The following ACP1 variants were observed in gnomAD, a reference collection of about 807,000 sequenced individuals.
ACP1 encodes the protein acid phosphatase 1.
In ACP1, 23 loss-of-function variants were observed where a neutral mutation model predicts 23.4. The observed-to-expected ratio is 0.98, with a 90% confidence interval of 0.71 to 1.39. ACP1 has a LOEUF of 1.39. ACP1 is among the 40% of genes most tolerant of loss of function. The pLI is 0.00. For synonymous variants in ACP1, 72 were observed against 67.2 expected, an observed-to-expected ratio of 1.07 and a Z score of -0.35; for missense variants, 180 against 197.7, an observed-to-expected ratio of 0.91 and a Z score of 0.54.
chr2:271,200 C>G lies in ACP1; in HGVS notation c.44-666C>G, dbSNP rs569465838. Among the ~76,000 whole-genome samples the G allele has an allele frequency of 1.3e-4, 20 of 150,670 alleles. 1 individual carries two copies. The highest frequency in any genetic ancestry group is 4.0e-4 in the African/African-American group (16 of 40,032). On this transcript the variant is annotated intron_variant, in intron 1 of 5. Transcript: ENST00000272065. ...ATTGTTTTGTGAAACAGTAGTCATC[C>G]TTATGTGTGATATACTTGAAAATAC...
intron 3 of ACP1, chr2:272,741 A>G (rs921015487): frequency 3.9e-5 from 7 of 180,342 alleles, no homozygotes; most frequent in Admixed American, 1.1e-4. Flanking sequence ...TTATGGATAT[A>G]TAATTATAGT....
At chr2:265,349 C>T in intron 1 of ACP1, 1 of 268,920 alleles carries the variant, frequency 3.7e-6, no homozygotes, top group Non-Finnish European at 7.0e-6. Flanking sequence ...TGGAGGTTGT[C>T]GGACTGATGT....
chr2:271,298 C>T (rs562959500), intron 1 of ACP1, among the ~76,000 whole-genome samples: 1 of 152,182 alleles, frequency 6.6e-6, no homozygotes, highest in African/African-American at 2.4e-5. Flanking sequence ...TAATCAAGCA[C>T]AGATGGAAAA....
chr2:268,067 G>A (rs530921070), intron 1 of ACP1, among the ~76,000 whole-genome samples: 13 of 152,340 alleles, frequency 8.5e-5, no homozygotes, highest in African/African-American at 2.6e-4. Flanking sequence ...TTTAGGTCCA[G>A]ATCTTGGGAG....
intron 1 of ACP1, among the ~76,000 whole-genome samples, chr2:268,615 C>T (rs1451768417): frequency 6.6e-6 from 1 of 152,200 alleles, no homozygotes; most frequent in Non-Finnish European, 1.5e-5. Context: ...GCCCCACCCT[C>T]CCAGAGCCTA....
In ACP1 at chr2:272,156, G is replaced by A. The variant is rs753467181; in HGVS notation, c.231+6G>A. On this transcript the variant is annotated splice_donor_region_variant and intron_variant, in intron 3 of 5. Transcript: ENST00000272065. Reference sequence around the variant, plus strand: ...TGAGCCACGTTGCCCGGCAGGTACCGTCCTTGGACTTGAAGTTGTGTGTTT... The same window carrying A: ...TGAGCCACGTTGCCCGGCAGGTACCATCCTTGGACTTGAAGTTGTGTGTTT... 8.1e-6 allele frequency: 13 copies of A among 1,614,088 alleles called. No individual in the cohort carries two copies. The highest frequency in any genetic ancestry group is 5.0e-5 in the Admixed American group (3 of 60,002).
intron 3 of ACP1, chr2:272,505 C>A (rs1670073782): frequency 2.1e-6 from 3 of 1,423,538 alleles, no homozygotes; most frequent in Non-Finnish European, 2.7e-6. Context: ...TATTAAAATG[C>A]ACATAAAAGC....
chr2:271,737 T>G (rs1670037036), intron 1 of ACP1, 129 bp from the exon 2 acceptor site: 2 of 752,416 alleles, frequency 2.7e-6, no homozygotes, highest in Non-Finnish European at 4.7e-6. Context: ...CGTCAAAGGA[T>G]AGTGTTGGCC....
chr2:266,869 C>T (rs1669902920), intron 1 of ACP1, among the ~76,000 whole-genome samples: 1 of 152,008 alleles, frequency 6.6e-6, no homozygotes, highest in South Asian at 2.1e-4. Flanking sequence ...CTTCTCTTTG[C>T]CGTATCTGAA....
chr2:275,339 T>G lies in ACP1; in HGVS notation c.293+138T>G, dbSNP rs1345821563. ...GGTCACCATATGTAGAATTATTTTA[T>G]TTAGAACAGCAAAAAACTTAGTAAT... is the stretch of plus-strand genomic sequence containing the variant. On this transcript the variant is annotated intron_variant, in intron 4 of 5. Coordinates refer to ENST00000272065, the MANE Select transcript of ACP1 (RefSeq NM_004300.4). The G allele has an allele frequency of 9.2e-6, 4 of 435,782 alleles. No individual in the cohort carries two copies. In the East Asian group the frequency reaches 1.3e-4, roughly 14 times the overall value. The allele number at this position is 435,782 out of a possible 1,614,324, so 27.0% of individuals were successfully genotyped here. A position where few individuals can be genotyped will look rare whatever the true frequency, so the allele number is the denominator to read the frequency against.
rs772017810 is a variant in ACP1 at position 272,103 on chromosome 2, A to AGCT, written c.187_189dup (p.Cys63dup). ...GAACCCCCCTGACTACCGAGGGCAG[A>AGCT]GCTGCATGAAGAGGCACGGCATTCC... On this transcript the variant is annotated inframe_insertion, in exon 3 of 6. Coordinates refer to ENST00000272065, the MANE Select transcript of ACP1 (RefSeq NM_004300.4). 3.1e-6 allele frequency: 5 copies of AGCT among 1,614,038 alleles called. No homozygotes were observed. In the South Asian group the frequency reaches 5.5e-5, roughly 18 times the overall value.
intron 3 of ACP1, chr2:272,630 T>A: frequency 1.9e-6 from 1 of 539,698 alleles, no homozygotes; most frequent in Admixed American, 3.9e-5. Context: ...ATCATCCTGC[T>A]GATATTGCAA....
chr2:271,998 C>CAA (rs34887991), intron 2 of ACP1, 39 bp from the exon 3 acceptor site: 19,000 of 1,470,656 alleles, frequency 0.013, no homozygotes, highest in East Asian at 0.019. Flanking sequence ...CAGGAAATTG[C>CAA]AAAAAAAAAA....
rs146220970 is a variant in ACP1, at chr2:266,786, G to A, written c.43+1779G>A. Among the ~76,000 whole-genome samples the A allele has an allele frequency of 1.2e-3, 185 of 152,038 alleles. 5 individuals carry two copies. In the East Asian group the frequency reaches 0.032, roughly 26 times the overall value. On this transcript the variant is annotated intron_variant, in intron 1 of 5. Coordinates refer to ENST00000272065, the MANE Select transcript of ACP1 (RefSeq NM_004300.4). ...TCGTACTGTAGATCTTAGTAACCTC[G>A]GTATAAGTTTTTTTTTTCTTTCCAT... is the stretch of plus-strand genomic sequence containing the variant.
chr2:276,101 T>A (rs112884430), intron 4 of ACP1, among the ~76,000 whole-genome samples: 18 of 152,318 alleles, frequency 1.2e-4, no homozygotes, highest in African/African-American at 4.3e-4. Context: ...GCACCGTGTT[T>A]CTTTGCGTGT....
Position 272,039 on chromosome 2 carries a change from G to A in ACP1, c.120G>A (p.Trp40Ter), listed in dbSNP as rs776781705. ...ATTCCATGTTTCTTCCCCTGCAGTG[G>A]AGGGTAGACAGCGCGGCAACTTCCG... is the stretch of plus-strand genomic sequence containing the variant. ...LVTDQNISEN[W>*]RVDSAATSGY... is the part of the protein sequence containing the mutation. The change falls in exon 3 of 6, where the codon TGG becomes TGA. Residue 40 changes from tryptophan (W) to a stop codon, truncating the protein, a stop_gained and splice_region_variant. Transcript: ENST00000272065. LOFTEE classifies it high-confidence loss of function. The A allele has an allele frequency of 6.2e-6, 10 of 1,613,920 alleles. No individual in the cohort carries two copies. The South Asian group carries it at 9.9e-5, about 16-fold the overall frequency.
intron 3 of ACP1, among the ~76,000 whole-genome samples, chr2:274,022 G>T (rs1271265423): frequency 1.3e-5 from 2 of 152,128 alleles, no homozygotes; most frequent in Non-Finnish European, 2.9e-5. Context: ...AATTAGCTGG[G>T]TGCTATGACA....
Position 268,272 on chromosome 2 carries a change from A to G in ACP1, c.43+3265A>G, listed in dbSNP as rs1227381632. Among the ~76,000 whole-genome samples the G allele has an allele frequency of 3.9e-5, 6 of 152,354 alleles. 1 individual carries two copies. In the South Asian group the frequency reaches 6.2e-4, roughly 16 times the overall value. Reference sequence around the variant, plus strand: ...AAATGGCATTTTACTTGGTAGCCATATAGAGGACAGTAAGAGTTGTATGCT... The same window carrying G: ...AAATGGCATTTTACTTGGTAGCCATGTAGAGGACAGTAAGAGTTGTATGCT... On this transcript the variant is annotated intron_variant, in intron 1 of 5. Coordinates refer to ENST00000272065, the MANE Select transcript of ACP1 (RefSeq NM_004300.4).
At chr2:265,145 G>C (rs1397817983) in intron 1 of ACP1, 138 bp downstream of exon 1, 21 of 1,001,948 alleles carry the variant, frequency 2.1e-5, no homozygotes, top group Non-Finnish European at 3.0e-5. Flanking sequence ...GGTGTTCTAG[G>C]AGTGTGCCGC....
Sources: gnomAD v4.1 joint callset for allele counts (sites outside exome capture counted in the v4.1 genomes callset) on GRCh38, gnomAD v4.1.1 for gene constraint, MANE v1.5 for transcripts, NCBI Gene and HGNC (gene_info 2026-07-23, HGNC 2026-07-21) for gene names.